ZNF331: variants seen among roughly 807,000 people sequenced by gnomAD.
ZNF331 encodes C2H2-like zinc finger protein rearranged in thyroid adenomas.
A neutral mutation model predicts 7.0 loss-of-function variants in ZNF331; 2 were observed. The ratio of observed to expected loss-of-function variants is 0.29; its 90% CI spans 0.12 to 0.90. The LOEUF is 0.90. Ranked by LOEUF, ZNF331 falls within the 40% of genes least tolerant of loss-of-function variation. The pLI is 0.58. For synonymous variants in ZNF331, 196 were observed against 205.4 expected (o/e 0.95, Z 0.39); for missense variants, 432 against 587.7 (o/e 0.74, Z 2.74).
At chr19:53,534,578 G>A (rs62143902), upstream of ZNF331, among the ~76,000 whole-genome samples, 12,188 of 151,984 alleles carry the variant, frequency 0.08, 582 homozygotes, top group East Asian at 0.14. Flanking sequence ...GAGCCACTGC[G>A]TCCAGCCCTA....
chr19:53,557,781 T>C (rs2089530111), intron 3 of ZNF331, among the ~76,000 whole-genome samples: 2 of 152,284 alleles, frequency 1.3e-5, no homozygotes, highest in South Asian at 4.1e-4. Context: ...CTGGCCAGCA[T>C]GGCGTAACCC....
upstream of ZNF331, among the ~76,000 whole-genome samples, chr19:53,533,435 T>C (rs7250767): frequency 9.9e-3 from 1,515 of 152,332 alleles, 30 homozygotes; most frequent in African/African-American, 0.034. Flanking sequence ...GAATCTTTCA[T>C]GTGTGCTGGA....
chr19:53,556,040 C>G (rs530016542), intron 3 of ZNF331, 132 bp downstream of exon 3: 3 of 151,316 alleles, frequency 2.0e-5, no homozygotes, highest in Admixed American at 6.6e-5. Flanking sequence ...GTCTGGAGAT[C>G]GAGACCATCC....
At chr19:53,512,891 G>A in the ZNF331 span, among the ~76,000 whole-genome samples, 3,248 of 139,328 alleles carry the variant, frequency 0.023, 123 homozygotes, top group African/African-American at 0.033. Flanking sequence ...CCATCCCCCC[G>A]TCTGTGGAAA....
chr19:53,547,190 A>G (rs1379896678), intron 2 of ZNF331, among the ~76,000 whole-genome samples: 1 of 151,930 alleles, frequency 6.6e-6, no homozygotes, highest in Non-Finnish European at 1.5e-5. Context: ...ATCTCCTTTA[A>G]TCTTCTCATT....
chr19:53,554,925 A>C (rs2089280925), intron 2 of ZNF331: 1 of 153,558 alleles, frequency 6.5e-6, no homozygotes, highest in Non-Finnish European at 1.4e-5. Context: ...GGCGATCAGG[A>C]CGGGTCTCCG....
chr19:53,554,163 C>T (rs2089200360), intron 2 of ZNF331, among the ~76,000 whole-genome samples: 1 of 152,168 alleles, frequency 6.6e-6, no homozygotes, highest in South Asian at 2.1e-4. Context: ...CAGGGGTGCG[C>T]GCCAAGCATG....
intron 2 of ZNF331, among the ~76,000 whole-genome samples, chr19:53,544,299 A>G (rs1018260106): frequency 2.0e-5 from 3 of 151,200 alleles, no homozygotes; most frequent in Admixed American, 1.3e-4. Flanking sequence ...TAATCCCAGC[A>G]CTTTGGGAGG....
At chr19:53,507,446 T>C in the ZNF331 span, among the ~76,000 whole-genome samples, 1 of 152,008 alleles carries the variant, frequency 6.6e-6, no homozygotes, top group Non-Finnish European at 1.5e-5. Flanking sequence ...GGGAGGAAAA[T>C]GGACCGGCCC....
chr19:53,578,888 C>T lies in ZNF331; in HGVS notation c.*936C>T, dbSNP rs962579051. 18 of 182,876 alleles carry T rather than the reference C, an allele frequency of 9.8e-5. No individual in the cohort carries two copies. The highest frequency in any genetic ancestry group is 2.0e-4 in the Non-Finnish European group (17 of 86,072). The allele number at this position is 182,876 out of a possible 1,614,324, so 11.3% of individuals were successfully genotyped here. Reference sequence around the variant, plus strand: ...CGGTCTTGGCTCACTGCAACCTCCACCTCCCAGGTTCCAGCAATTCTCCTG... The same window carrying T: ...CGGTCTTGGCTCACTGCAACCTCCATCTCCCAGGTTCCAGCAATTCTCCTG... On this transcript the variant is annotated 3_prime_UTR_variant, in exon 6 of 6. Coordinates refer to ENST00000449416, the MANE Select transcript of ZNF331 (RefSeq NM_001079906.2).
chr19:53,545,805 T>C (rs893994114), intron 2 of ZNF331, among the ~76,000 whole-genome samples: 1 of 152,186 alleles, frequency 6.6e-6, no homozygotes, highest in Non-Finnish European at 1.5e-5. Context: ...AGATAAGTGT[T>C]CAAGCCGGAC....
At chr19:53,516,736 C>T (rs972140781), upstream of ZNF331, among the ~76,000 whole-genome samples, 7 of 152,172 alleles carry the variant, frequency 4.6e-5, no homozygotes, top group Non-Finnish European at 7.3e-5. Context: ...TGGAAGCTAA[C>T]TCCTTACAAC....
At chr19:53,518,754 A>C (rs2086967566), upstream of ZNF331, among the ~76,000 whole-genome samples, 1 of 152,220 alleles carries the variant, frequency 6.6e-6, no homozygotes, top group African/African-American at 2.4e-5. Flanking sequence ...GTCCAAGGAG[A>C]GTAACAAAAC....
intron 5 of ZNF331, among the ~76,000 whole-genome samples, chr19:53,572,783 G>A (rs2090526578): frequency 6.6e-6 from 1 of 151,950 alleles, no homozygotes; most frequent in African/African-American, 2.4e-5. Flanking sequence ...TTGGAGATGA[G>A]GATACTGAAA....
At chr19:53,528,655 T>C (rs2708766) in intron 2 of ZNF331, among the ~76,000 whole-genome samples, 50,978 of 152,154 alleles carry the variant, frequency 0.34, 9,038 homozygotes, top group African/African-American at 0.46. Context: ...CCTTTTTAAA[T>C]CTACTTTCTT....
Position 53,576,872 on chromosome 19 carries a change from C to G in ZNF331, c.312C>G (p.Ile104Met), listed in dbSNP as rs2090750126. The G allele has an allele frequency of 5.6e-6, 9 of 1,613,984 alleles. No homozygotes were observed. Among genetic ancestry groups the G allele is most frequent in the Middle Eastern group, 1.6e-4 (1 of 6,084 alleles). ...RSRGRYVNQM[I>M]INYVKRPATR... ...GAGGGAGGTATGTCAATCAGATGAT[C>G]ATCAATTATGTCAAAAGACCTGCTA... The change falls in exon 6 of 6, where the codon ATC becomes ATG. Residue 104 changes from isoleucine (I) to methionine (M), a missense_variant. Ile to Met is a conservative substitution (Grantham distance 10). Coordinates refer to ENST00000449416, the MANE Select transcript of ZNF331 (RefSeq NM_001079906.2).
At chr19:53,554,405 G>C (rs928461191) in intron 2 of ZNF331, 17 of 152,192 alleles carry the variant, frequency 1.1e-4, no homozygotes, top group Admixed American at 1.1e-3. Flanking sequence ...TGCGTGTCAG[G>C]ATCTGTGTGC....
intron 2 of ZNF331, among the ~76,000 whole-genome samples, chr19:53,548,284 T>C (rs1600320279): frequency 6.6e-6 from 1 of 152,062 alleles, no homozygotes; most frequent in African/African-American, 2.4e-5. Flanking sequence ...ATTTTTTTTT[T>C]GTATTTTTAG....
upstream of ZNF331, among the ~76,000 whole-genome samples, chr19:53,516,652 C>T (rs1422881855): frequency 1.3e-5 from 2 of 151,948 alleles, no homozygotes; most frequent in Non-Finnish European, 2.9e-5. Flanking sequence ...AACCTATGTC[C>T]AAGAGAAAAG....
Sources: gnomAD v4.1 joint callset for allele counts (sites outside exome capture counted in the v4.1 genomes callset) on GRCh38, gnomAD v4.1.1 for gene constraint, MANE v1.5 for transcripts, NCBI Gene and HGNC (gene_info 2026-07-23, HGNC 2026-07-21) for gene names.